UHRF1: variants seen among roughly 807,000 people sequenced by gnomAD.
UHRF1 encodes the protein ubiquitin like with PHD and ring finger domains 1.
In UHRF1, 9 loss-of-function variants were observed where a neutral mutation model predicts 96.5. The ratio of observed to expected loss-of-function variants is 0.09; its 90% CI spans 0.06 to 0.16. The LOEUF is 0.16. Ranked by LOEUF, UHRF1 falls within the 10% of genes least tolerant of loss-of-function variation. The pLI, the probability that UHRF1 is intolerant of heterozygous loss-of-function variation, is 1.00. For synonymous variants in UHRF1, 455 were observed against 469.9 expected (o/e 0.97, Z 0.41); for missense variants, 626 against 1,131.1 (o/e 0.55, Z 6.40).
chr19:4,924,439 G>A lies in UHRF1; in HGVS notation c.154-4783G>A, dbSNP rs548223515. On this transcript the variant is annotated intron_variant, in intron 2 of 16. Coordinates refer to ENST00000650932, the MANE Select transcript of UHRF1 (RefSeq NM_001048201.3). ...GCTGGGATTATAGGCGTGAGCCACC[G>A]CACCCGGCCAATTTTTGTATTTTTA... Among the ~76,000 whole-genome samples the A allele has an allele frequency of 1.4e-4, 22 of 152,060 alleles. No individual in the cohort carries two copies. In the South Asian group the frequency reaches 4.4e-3, roughly 30 times the overall value.
chr19:4,917,862 C>T (rs1599246543), intron 2 of UHRF1, among the ~76,000 whole-genome samples: 1 of 152,016 alleles, frequency 6.6e-6, no homozygotes, highest in Middle Eastern at 3.4e-3. Flanking sequence ...TTTGCAGAGA[C>T]AGGGTCTTGC....
In UHRF1 at chr19:4,930,959, G is replaced by A; in HGVS notation, c.569+83G>A. The stretch of plus-strand genomic sequence containing the variant: ...GCTGCGGGTGTTCAGGCCAGAGCTT[G>A]GCACTGTCTCGAGATGGTGATCAGG... On this transcript the variant is annotated intron_variant, in intron 4 of 16. Transcript: ENST00000650932. The surrounding 1 kb of genome is among the most constrained non-coding windows in gnomAD (Gnocchi z 4.4). 1 of 1,562,096 alleles carries A rather than the reference G, an allele frequency of 6.4e-7. No homozygotes were observed. The highest frequency in any genetic ancestry group is 1.2e-5 in the South Asian group (1 of 85,796).
chr19:4,952,243 CCA>C (rs908864894), intron 13 of UHRF1, among the ~76,000 whole-genome samples: 19 of 152,112 alleles, frequency 1.2e-4, no homozygotes, highest in African/African-American at 4.3e-4. Context: ...CAGGTGCCCA[CCA>C]CCACGCCTGG....
chr19:4,919,992 T>C (rs1472932295), intron 2 of UHRF1, among the ~76,000 whole-genome samples: 1 of 152,006 alleles, frequency 6.6e-6, no homozygotes, highest in African/African-American at 2.4e-5. Context: ...TAATTTTGTA[T>C]TTTTAGTAGA....
intron 2 of UHRF1, among the ~76,000 whole-genome samples, chr19:4,919,024 AT>A (rs144245403): frequency 0.048 from 5,721 of 119,338 alleles, 129 homozygotes; most frequent in Middle Eastern, 0.069. Flanking sequence ...TCCTGACCTC[AT>A]TTTTTTTTTT....
chr19:4,936,642 C>T (rs2033224190), intron 5 of UHRF1, among the ~76,000 whole-genome samples: 2 of 151,982 alleles, frequency 1.3e-5, no homozygotes, highest in South Asian at 4.2e-4. Context: ...GATTCACATG[C>T]AGTTATAATG....
intron 2 of UHRF1, among the ~76,000 whole-genome samples, chr19:4,928,814 C>T (rs904423488): frequency 6.6e-6 from 1 of 152,164 alleles, no homozygotes; most frequent in Non-Finnish European, 1.5e-5. Context: ...AGACGTGGCC[C>T]AGCGTCCCCC....
chr19:4,919,138 C>T (rs942363091), intron 2 of UHRF1, among the ~76,000 whole-genome samples: 1 of 151,254 alleles, frequency 6.6e-6, no homozygotes, highest in Non-Finnish European at 1.5e-5. Context: ...AATCCTCCCA[C>T]CACAGCCTTC....
chr19:4,933,184 G>A (rs980278940), intron 5 of UHRF1, among the ~76,000 whole-genome samples: 5 of 152,182 alleles, frequency 3.3e-5, no homozygotes, highest in Non-Finnish European at 7.3e-5. Context: ...AACTGTCTCT[G>A]ACCCCCAGGC....
chr19:4,928,147 T>G (rs1181332668), intron 2 of UHRF1, among the ~76,000 whole-genome samples: 1 of 151,894 alleles, frequency 6.6e-6, no homozygotes, highest in Non-Finnish European at 1.5e-5. Flanking sequence ...ACATTTGTGG[T>G]CGTCACAACT....
At position 4,933,483 on chromosome 19, in the gene UHRF1, G is replaced by A. The variant is rs112276207; in HGVS notation, c.785+527G>A. On this transcript the variant is annotated intron_variant, in intron 5 of 16. Transcript: ENST00000650932. The stretch of plus-strand genomic sequence containing the variant: ...CCTGCCTCGGCCTCCCAAAGTGCTG[G>A]GATTGCAGGCAGTGAGCCACCGTGC... Among the ~76,000 whole-genome samples, 1,028 of 152,230 alleles carry A rather than the reference G, an allele frequency of 6.8e-3. 13 individuals are homozygous for A. The highest frequency in any genetic ancestry group is 0.023 in the African/African-American group (953 of 41,538).
chr19:4,927,473 C>G (rs529621691), intron 2 of UHRF1, among the ~76,000 whole-genome samples: 1 of 152,118 alleles, frequency 6.6e-6, no homozygotes, highest in East Asian at 1.9e-4. Context: ...GAAAGAAAGC[C>G]TGCAGAGAAG....
intron 2 of UHRF1, among the ~76,000 whole-genome samples, chr19:4,920,951 C>G (rs1255608153): frequency 6.6e-6 from 1 of 151,690 alleles, no homozygotes; most frequent in Non-Finnish European, 1.5e-5. Context: ...TGGTGAAACC[C>G]TGTCTCTACT....
chr19:4,941,279 C>CG (rs1318839376), intron 5 of UHRF1, among the ~76,000 whole-genome samples: 2 of 151,188 alleles, frequency 1.3e-5, no homozygotes, highest in African/African-American at 4.9e-5. Flanking sequence ...TCAGTGGAGG[C>CG]GGGGGTTCAC....
At chr19:4,950,540 G>T in intron 11 of UHRF1, 71 bp from the exon 12 acceptor site, 1 of 1,525,494 alleles carries the variant, frequency 6.6e-7, no homozygotes, top group African/African-American at 1.4e-5. Context: ...CACCACTCCC[G>T]GCTCCTGTGT....
rs559210263 is a variant in UHRF1 at position 4,945,103 on chromosome 19, G to A, written c.1305+653G>A. Among the ~76,000 whole-genome samples the A allele has an allele frequency of 3.8e-3, 573 of 152,320 alleles. 7 individuals carry two copies. Among genetic ancestry groups the A allele is most frequent in the Non-Finnish European group, 2.0e-3 (139 of 68,016 alleles). On this transcript the variant is annotated intron_variant, in intron 9 of 16. Transcript: ENST00000650932. ...GCGTGCAGGGCTAGGAGCTCCTGGG[G>A]CAGCGCTGTATCCCTAGTGCTCAGC...
chr19:4,953,515 G>C (rs2033773812), intron 13 of UHRF1, among the ~76,000 whole-genome samples: 1 of 152,094 alleles, frequency 6.6e-6, no homozygotes, highest in Non-Finnish European at 1.5e-5. Context: ...CCAGGCTGGA[G>C]TGTAGTGGTG....
At chr19:4,944,781 G>A (rs1296982040) in intron 9 of UHRF1, among the ~76,000 whole-genome samples, 1 of 152,216 alleles carries the variant, frequency 6.6e-6, no homozygotes, top group Non-Finnish European at 1.5e-5. Flanking sequence ...GCCCCTGCCT[G>A]TGACTGGGTG....
chr19:4,935,436 A>G (rs1175906146), intron 5 of UHRF1, among the ~76,000 whole-genome samples: 1 of 152,076 alleles, frequency 6.6e-6, no homozygotes, highest in Non-Finnish European at 1.5e-5. Flanking sequence ...AGTCTTTATT[A>G]TTTAGTATGT....
Sources: gnomAD v4.1 joint callset for allele counts (sites outside exome capture counted in the v4.1 genomes callset) on GRCh38, gnomAD v4.1.1 for gene constraint, Gnocchi (gnomAD v3.1) non-coding constraint, MANE v1.5 for transcripts, NCBI Gene and HGNC (gene_info 2026-07-23, HGNC 2026-07-21) for gene names.